The following HTR2A variants were observed in gnomAD, a reference collection of about 807,000 sequenced individuals.
HTR2A encodes the protein 5-HT2 receptor.
A neutral mutation model predicts 31.0 loss-of-function variants in HTR2A; 14 were observed. That is an observed-to-expected ratio of 0.45 (90% CI 0.30 to 0.71). The LOEUF (loss-of-function observed/expected upper bound fraction) is 0.71. HTR2A is among the 30% of genes least tolerant of loss of function. HTR2A has a pLI of 0.09. For synonymous variants in HTR2A, 209 were observed against 225.2 expected (o/e 0.93, Z 0.64); for missense variants, 442 against 573.3 (o/e 0.77, Z 2.34).
At chr13:46,872,179 C>A (rs1007123007) in intron 3 of HTR2A, among the ~76,000 whole-genome samples, 10 of 152,108 alleles carry the variant, frequency 6.6e-5, no homozygotes, top group African/African-American at 2.4e-4. Context: ...TGATATGCAC[C>A]AGCTTAAGGA....
rs192439486 is a variant in HTR2A, at chr13:46,872,687, C to T, written c.613+19703G>A. Among the ~76,000 whole-genome samples the T allele has an allele frequency of 1.3e-3, 197 of 152,190 alleles. 1 individual carries two copies. Among genetic ancestry groups the T allele is most frequent in the South Asian group, 2.9e-3 (14 of 4,822 alleles). On this transcript the variant is annotated intron_variant, in intron 3 of 3. Coordinates refer to ENST00000542664, the MANE Select transcript of HTR2A (RefSeq NM_000621.5). ...CCTTGTGTCTCTGTTAGTTTAATAC[C>T]TTGCATCTCTATATACAAAAGCCCC...
intron 3 of HTR2A, among the ~76,000 whole-genome samples, chr13:46,886,073 G>A (rs888974190): frequency 2.6e-5 from 4 of 152,046 alleles, no homozygotes; most frequent in African/African-American, 4.8e-5. Context: ...AACTGTTTAT[G>A]TATATATTCT....
At position 46,834,798 on chromosome 13, in the gene HTR2A, CT is replaced by C; in HGVS notation, c.*38del. The C allele has an allele frequency of 4.0e-6, 6 of 1,502,562 alleles. No individual in the cohort carries two copies. The highest frequency in any genetic ancestry group is 5.4e-6 in the Non-Finnish European group (6 of 1,111,788). 93.1% of individuals were successfully genotyped at this position (1,502,562 alleles called of 1,614,324 possible). On this transcript the variant is annotated 3_prime_UTR_variant, in exon 4 of 4. Transcript: ENST00000542664. The stretch of plus-strand genomic sequence containing the variant: ...TTTTTTCCAGATAGGTGAAAACTTG[CT>C]CAGTGTGCCTTCCACAGTTGCCACG...
Position 46,878,861 on chromosome 13 carries a change from T to G in HTR2A, c.613+13529A>C, listed in dbSNP as rs1425675358. Reference sequence around the variant, plus strand: ...TACTGCCTCACCCCTAAAATTCTATTTAATGATACAAAAGAATTAGAAGAA... The same window carrying G: ...TACTGCCTCACCCCTAAAATTCTATGTAATGATACAAAAGAATTAGAAGAA... On this transcript the variant is annotated intron_variant, in intron 3 of 3. Coordinates refer to ENST00000542664, the MANE Select transcript of HTR2A (RefSeq NM_000621.5). Among the ~76,000 whole-genome samples, 4 of 152,162 alleles carry G rather than the reference T, an allele frequency of 2.6e-5. No individual in the cohort carries two copies. The East Asian group carries it at 7.7e-4, about 29-fold the overall frequency.
intron 3 of HTR2A, among the ~76,000 whole-genome samples, chr13:46,878,308 A>G (rs543298175): frequency 6.6e-6 from 1 of 152,278 alleles, no homozygotes; most frequent in East Asian, 1.9e-4. Context: ...TAGGAGGAGG[A>G]GAGGAATTCT....
At chr13:46,867,139 C>T (rs1284876017) in intron 3 of HTR2A, among the ~76,000 whole-genome samples, 1 of 152,160 alleles carries the variant, frequency 6.6e-6, no homozygotes, top group Non-Finnish European at 1.5e-5. Flanking sequence ...GAGAAATAGA[C>T]ATTTGGGCAA....
chr13:46,877,974 C>T (rs1368494428), intron 3 of HTR2A, among the ~76,000 whole-genome samples: 1 of 151,980 alleles, frequency 6.6e-6, no homozygotes. Context: ...AAAGATGAGG[C>T]AATATACAGT....
At chr13:46,889,624 C>T (rs931376293) in intron 3 of HTR2A, among the ~76,000 whole-genome samples, 1 of 152,074 alleles carries the variant, frequency 6.6e-6, no homozygotes, top group African/African-American at 2.4e-5. Context: ...ATATCAATAG[C>T]TTGAAGAGAA....
At position 46,833,605 on chromosome 13, in the gene HTR2A, A is replaced by G. The variant is rs541548326; in HGVS notation, c.*1232T>C. 6.6e-6 allele frequency: 1 copy of G among 152,154 alleles called. No individual in the cohort carries two copies. The highest frequency in any genetic ancestry group is 6.5e-5 in the Admixed American group (1 of 15,280). The allele number at this position is 152,154 out of a possible 1,614,324, so 9.4% of individuals were successfully genotyped here. ...GGTCTCAAACTCTTGGCCTCAAGTG[A>G]TCCTCCCATCTCAGCCTCCCAAAGT... On this transcript the variant is annotated 3_prime_UTR_variant, in exon 4 of 4. Coordinates refer to ENST00000542664, the MANE Select transcript of HTR2A (RefSeq NM_000621.5).
At chr13:46,888,611 G>A (rs1296100085) in intron 3 of HTR2A, among the ~76,000 whole-genome samples, 1 of 152,238 alleles carries the variant, frequency 6.6e-6, no homozygotes, top group Non-Finnish European at 1.5e-5. Flanking sequence ...TCAGGAATGA[G>A]GAACCCAGGC....
intron 3 of HTR2A, among the ~76,000 whole-genome samples, chr13:46,867,673 G>A (rs749932164): frequency 2.0e-5 from 3 of 152,150 alleles, no homozygotes; most frequent in African/African-American, 4.8e-5. Context: ...TGTTAAGCTC[G>A]GTTTTCTTTC....
At chr13:46,875,434 A>G (rs945793287) in intron 3 of HTR2A, among the ~76,000 whole-genome samples, 1 of 152,214 alleles carries the variant, frequency 6.6e-6, no homozygotes, top group Non-Finnish European at 1.5e-5. Flanking sequence ...GGTTTTGTTC[A>G]TCTTTACATC....
chr13:46,888,286 C>T (rs1239529160), intron 3 of HTR2A, among the ~76,000 whole-genome samples: 1 of 152,008 alleles, frequency 6.6e-6, no homozygotes, highest in East Asian at 1.9e-4. Context: ...AGGATAAAAA[C>T]AGAAACTAAT....
At chr13:46,884,157 T>G (rs1950987856) in intron 3 of HTR2A, among the ~76,000 whole-genome samples, 3 of 152,226 alleles carry the variant, frequency 2.0e-5, no homozygotes, top group Admixed American at 2.0e-4. Context: ...ATAAAAATAT[T>G]TGTGACAGGC....
At chr13:46,883,981 A>G (rs1403445760) in intron 3 of HTR2A, among the ~76,000 whole-genome samples, 1 of 152,226 alleles carries the variant, frequency 6.6e-6, no homozygotes, top group Non-Finnish European at 1.5e-5. Flanking sequence ...ACATTTCAGG[A>G]GTACTGAGTG....
intron 1 of HTR2A, 139 bp downstream of exon 1, chr13:46,896,534 CA>C (rs1951106539): frequency 2.8e-6 from 2 of 725,214 alleles, no homozygotes; most frequent in Non-Finnish European, 4.3e-6. Context: ...AAAAGGAAAA[CA>C]AAAAAGTCTT....
intron 3 of HTR2A, among the ~76,000 whole-genome samples, chr13:46,877,347 A>G (rs1950923406): frequency 1.3e-5 from 2 of 152,216 alleles, no homozygotes; most frequent in African/African-American, 4.8e-5. Flanking sequence ...CAACAGCTCA[A>G]CAGCTCAACA....
At chr13:46,850,195 C>A (rs1272321209) in intron 3 of HTR2A, among the ~76,000 whole-genome samples, 1 of 152,176 alleles carries the variant, frequency 6.6e-6, no homozygotes, top group Non-Finnish European at 1.5e-5. Context: ...TAATAATCAT[C>A]CATCTTTACA....
At chr13:46,841,027 C>T (rs73473870) in intron 3 of HTR2A, among the ~76,000 whole-genome samples, 2,689 of 152,182 alleles carry the variant, frequency 0.018, 79 homozygotes, top group African/African-American at 0.062. Flanking sequence ...TGAGAGTTCT[C>T]ACGAGATCTG....
Sources: allele counts gnomAD v4.1 joint callset (sites outside exome capture counted in the v4.1 genomes callset), GRCh38; gene constraint gnomAD v4.1.1; transcripts MANE v1.5; gene names NCBI Gene and HGNC (gene_info 2026-07-23, HGNC 2026-07-21).